Variants in SLC24A2 observed in about 807,000 individuals in gnomAD.
The protein encoded by SLC24A2 is sodium/potassium/calcium exchanger 2.
SLC24A2 carries 36 observed loss-of-function variants against 62.0 expected under a neutral mutation model. That is an observed-to-expected ratio of 0.58 (90% CI 0.44 to 0.77). SLC24A2 has a LOEUF of 0.77. Ranked by LOEUF, SLC24A2 falls within the 30% of genes least tolerant of loss-of-function variation. The pLI, the probability that SLC24A2 is intolerant of heterozygous loss-of-function variation, is 0.00. For synonymous variants in SLC24A2, 358 were observed against 294.0 expected (o/e 1.22, Z -2.23); for missense variants, 846 against 817.9 (o/e 1.03, Z -0.42).
the SLC24A2 span, among the ~76,000 whole-genome samples, chr9:20,105,250 G>T: frequency 6.6e-6 from 1 of 152,232 alleles, no homozygotes; most frequent in Middle Eastern, 3.4e-3. Flanking sequence ...ATAATAATGG[G>T]AGACTTTAAC....
intron 2 of SLC24A2, among the ~76,000 whole-genome samples, chr9:19,683,460 C>T (rs1191252878): frequency 6.6e-6 from 1 of 151,612 alleles, no homozygotes; most frequent in Non-Finnish European, 1.5e-5. Flanking sequence ...GGCATTTGGT[C>T]TGACCACACC....
the SLC24A2 span, among the ~76,000 whole-genome samples, chr9:19,851,327 G>C: frequency 6.6e-6 from 1 of 151,666 alleles, no homozygotes; most frequent in Non-Finnish European, 1.5e-5. Context: ...GCCTGGCCCA[G>C]CATATATATG....
the SLC24A2 span, among the ~76,000 whole-genome samples, chr9:20,000,156 G>T: frequency 6.6e-6 from 1 of 152,162 alleles, no homozygotes; most frequent in Non-Finnish European, 1.5e-5. Context: ...TACTTTAAAA[G>T]ATTTTAAACT....
chr9:19,916,607 C>T, the SLC24A2 span, among the ~76,000 whole-genome samples: 2 of 151,934 alleles, frequency 1.3e-5, no homozygotes, highest in South Asian at 2.1e-4. Context: ...AACTGAAATG[C>T]ATAGTTTTAT....
the SLC24A2 span, among the ~76,000 whole-genome samples, chr9:19,890,646 G>A: frequency 6.6e-6 from 1 of 152,050 alleles, no homozygotes; most frequent in African/African-American, 2.4e-5. Flanking sequence ...ACATTCTTGT[G>A]TGATCTCATT....
At chr9:19,859,743 C>T in the SLC24A2 span, among the ~76,000 whole-genome samples, 7 of 152,210 alleles carry the variant, frequency 4.6e-5, no homozygotes, top group East Asian at 7.7e-4. Flanking sequence ...TTTCTCATCC[C>T]CTTGCAGTGG....
the SLC24A2 span, among the ~76,000 whole-genome samples, chr9:19,918,789 C>T: frequency 6.6e-6 from 1 of 152,164 alleles, no homozygotes; most frequent in African/African-American, 2.4e-5. Flanking sequence ...CATGACCAGC[C>T]AGATGCTGCC....
chr9:19,995,427 T>C, the SLC24A2 span, among the ~76,000 whole-genome samples: 1 of 152,062 alleles, frequency 6.6e-6, no homozygotes, highest in Non-Finnish European at 1.5e-5. Context: ...AACAGAACTT[T>C]ATTCCCAGAG....
intron 2 of SLC24A2, among the ~76,000 whole-genome samples, chr9:19,662,446 C>G (rs933802345): frequency 3.9e-5 from 6 of 152,286 alleles, no homozygotes; most frequent in Middle Eastern, 3.4e-3. Context: ...GACTCAAATA[C>G]TTGTTGCTTT....
At chr9:20,043,745 G>A in the SLC24A2 span, among the ~76,000 whole-genome samples, 2 of 152,192 alleles carry the variant, frequency 1.3e-5, no homozygotes, top group Non-Finnish European at 2.9e-5. Flanking sequence ...TTATGGAGGA[G>A]GAAAGAAAGT....
intron 10 of SLC24A2, among the ~76,000 whole-genome samples, chr9:19,520,471 G>C (rs1833138615): frequency 6.6e-6 from 1 of 152,186 alleles, no homozygotes; most frequent in Admixed American, 6.5e-5. Flanking sequence ...GAAGGAAACA[G>C]GATATGTATG....
the SLC24A2 span, among the ~76,000 whole-genome samples, chr9:19,908,495 T>G: frequency 6.6e-6 from 1 of 152,044 alleles, no homozygotes; most frequent in Non-Finnish European, 1.5e-5. Flanking sequence ...GGGATCTAAT[T>G]AAACTAAAGA....
the SLC24A2 span, among the ~76,000 whole-genome samples, chr9:20,226,333 A>C: frequency 6.6e-6 from 1 of 152,144 alleles, no homozygotes; most frequent in Non-Finnish European, 1.5e-5. Flanking sequence ...TTTGCAGATC[A>C]AGTCCATCAG....
At chr9:20,135,478 G>C in the SLC24A2 span, among the ~76,000 whole-genome samples, 1 of 151,890 alleles carries the variant, frequency 6.6e-6, no homozygotes, top group African/African-American at 2.4e-5. Context: ...GCTTATCGTG[G>C]GGTAAGTAAT....
At chr9:19,733,612 C>A (rs1196368907) in intron 2 of SLC24A2, among the ~76,000 whole-genome samples, 1 of 152,208 alleles carries the variant, frequency 6.6e-6, no homozygotes, top group Non-Finnish European at 1.5e-5. Context: ...TAGAGGAAAT[C>A]TGCCCACTTA....
the SLC24A2 span, among the ~76,000 whole-genome samples, chr9:19,897,302 T>G: frequency 6.6e-6 from 1 of 152,008 alleles, no homozygotes; most frequent in Non-Finnish European, 1.5e-5. Flanking sequence ...GTTCAACATG[T>G]TGTTTTTCAT....
chr9:19,994,725 C>T, the SLC24A2 span, among the ~76,000 whole-genome samples: 4 of 152,212 alleles, frequency 2.6e-5, no homozygotes, highest in African/African-American at 7.2e-5. Flanking sequence ...ATCTACTTCC[C>T]TGAAGATAGT....
chr9:20,204,130 T>C, the SLC24A2 span, among the ~76,000 whole-genome samples: 4 of 152,250 alleles, frequency 2.6e-5, no homozygotes, highest in Admixed American at 6.5e-5. Flanking sequence ...AAATTATTGC[T>C]TATATATTTT....
the SLC24A2 span, among the ~76,000 whole-genome samples, chr9:20,061,950 T>TCTAG: frequency 1.3e-5 from 2 of 152,104 alleles, no homozygotes; most frequent in Admixed American, 1.3e-4. Flanking sequence ...AAGCCTTGTA[T>TCTAG]CTAGCCTGAG....
Sources: allele counts gnomAD v4.1 joint callset (sites outside exome capture counted in the v4.1 genomes callset), GRCh38; gene constraint gnomAD v4.1.1; transcripts MANE v1.5; gene names NCBI Gene and HGNC (gene_info 2026-07-23, HGNC 2026-07-21).